Variants in UNC79 observed in about 807,000 individuals in gnomAD.
UNC79 encodes the protein protein unc-79 homolog.
UNC79 carries 37 observed loss-of-function variants against 283.1 expected under a neutral mutation model. That is an observed-to-expected ratio of 0.13 (90% CI 0.10 to 0.17). UNC79 has a LOEUF of 0.17. Ranked by LOEUF, UNC79 falls within the 10% of genes least tolerant of loss-of-function variation. The probability of loss-of-function intolerance (pLI) is 1.00; values close to 1 mark genes in which losing one functional copy is unlikely to be tolerated. For missense variants in UNC79, 2,272 were observed against 3,211.1 expected (o/e 0.71, Z 7.07); for synonymous variants, 1,107 against 1,200.2 (o/e 0.92, Z 1.61).
chr14:93,665,129 A>C (rs977819407), intron 40 of UNC79, among the ~76,000 whole-genome samples: 3 of 150,014 alleles, frequency 2.0e-5, no homozygotes, highest in East Asian at 3.9e-4. Context: ...TATAAATATT[A>C]TAAAATATAA....
intron 2 of UNC79, among the ~76,000 whole-genome samples, chr14:93,470,777 T>G (rs1216291622): frequency 6.6e-6 from 1 of 152,190 alleles, no homozygotes; most frequent in Non-Finnish European, 1.5e-5. Context: ...TTTGTTTGCT[T>G]TTAGCATTAG....
At chr14:93,530,713 TC>T (rs2060775017) in intron 10 of UNC79, among the ~76,000 whole-genome samples, 1 of 152,000 alleles carries the variant, frequency 6.6e-6, no homozygotes, top group African/African-American at 2.4e-5. Flanking sequence ...ATCAAGACCA[TC>T]CTGGCTAACA....
At chr14:93,345,416 TAA>T (rs749527249) in intron 1 of UNC79, among the ~76,000 whole-genome samples, 45 of 151,574 alleles carry the variant, frequency 3.0e-4, no homozygotes, top group Middle Eastern at 6.8e-3. Flanking sequence ...TCAAAATAAA[TAA>T]ATAGAATGTA....
In UNC79 at chr14:93,676,267, G is replaced by A. The variant is rs540089649; in HGVS notation, c.6741+2812G>A. Among the ~76,000 whole-genome samples the A allele has an allele frequency of 4.0e-3, 611 of 152,104 alleles. 2 individuals are homozygous for A. Among genetic ancestry groups the A allele is most frequent in the Non-Finnish European group, 6.6e-3 (449 of 67,984 alleles). ...TAGAGATGGGGATTGGCCATGTTGC[G>A]CAGGCTGGTCTTGAACTCCTGGACT... On this transcript the variant is annotated intron_variant, in intron 41 of 48. Coordinates refer to ENST00000555664, the Ensembl canonical transcript of UNC79.
chr14:93,450,269 C>T (rs2056597541), intron 1 of UNC79, among the ~76,000 whole-genome samples: 1 of 152,082 alleles, frequency 6.6e-6, no homozygotes, highest in Non-Finnish European at 1.5e-5. Flanking sequence ...AAATGAGTGT[C>T]CTTAGCTGTT....
intron 1 of UNC79, among the ~76,000 whole-genome samples, chr14:93,431,792 T>G (rs1310408109): frequency 3.3e-5 from 5 of 152,232 alleles, no homozygotes; most frequent in Non-Finnish European, 7.3e-5. Context: ...GGAAGCAACC[T>G]GCTAACTCCT....
intron 34 of UNC79, among the ~76,000 whole-genome samples, chr14:93,645,447 C>T (rs1291234992): frequency 6.6e-6 from 1 of 152,168 alleles, no homozygotes; most frequent in Non-Finnish European, 1.5e-5. Context: ...GCCTAATCAC[C>T]AAAGCTACCA....
intron 14 of UNC79, among the ~76,000 whole-genome samples, chr14:93,559,271 T>A (rs2062393625): frequency 6.6e-6 from 1 of 152,264 alleles, no homozygotes; most frequent in Non-Finnish European, 1.5e-5. Context: ...GTTTGAACAC[T>A]TAGCAGTCTA....
Position 93,617,335 on chromosome 14 carries a change from G to A in UNC79, c.4224+31G>A. The A allele has an allele frequency of 1.2e-6, 2 of 1,609,338 alleles. No individual in the cohort carries two copies. Among genetic ancestry groups the A allele is most frequent in the Middle Eastern group, 1.7e-4 (1 of 6,040 alleles). On this transcript the variant is annotated intron_variant, in intron 28 of 48. Coordinates refer to ENST00000555664, the Ensembl canonical transcript of UNC79. The surrounding 1 kb of genome is among the most constrained non-coding windows in gnomAD (Gnocchi z 4.5). ...CTGGGTGGTCACTGCTGTTTTGGAT[G>A]CAATGGTTCTCTTAGAGAGCATATA... is the stretch of plus-strand genomic sequence containing the variant.
intron 1 of UNC79, among the ~76,000 whole-genome samples, chr14:93,336,588 A>G (rs2053582304): frequency 6.6e-6 from 1 of 152,124 alleles, no homozygotes; most frequent in Non-Finnish European, 1.5e-5. Context: ...TGATCCGCCC[A>G]CCTTGGCCTC....
chr14:93,384,317 C>G (rs1357507591), intron 1 of UNC79, among the ~76,000 whole-genome samples: 1 of 152,228 alleles, frequency 6.6e-6, no homozygotes, highest in East Asian at 1.9e-4. Flanking sequence ...TTCCCACCAA[C>G]AGTGTACAAG....
chr14:93,525,181 G>A (rs759549371), intron 8 of UNC79, among the ~76,000 whole-genome samples: 5 of 152,074 alleles, frequency 3.3e-5, no homozygotes, highest in African/African-American at 4.8e-5. Flanking sequence ...GTGGTGGCTC[G>A]AGCCTGTAAT....
intron 1 of UNC79, among the ~76,000 whole-genome samples, chr14:93,399,578 A>G (rs1158440516): frequency 2.0e-5 from 3 of 152,154 alleles, no homozygotes; most frequent in African/African-American, 7.2e-5. Context: ...TAGATCCTTA[A>G]TATGTGCCAG....
intron 1 of UNC79, among the ~76,000 whole-genome samples, chr14:93,465,321 T>G (rs759911287): frequency 1.3e-5 from 2 of 152,188 alleles, no homozygotes; most frequent in Non-Finnish European, 2.9e-5. Flanking sequence ...ATTAATTCAT[T>G]TGTTAATTTA....
At chr14:93,683,044 T>C (rs966802774) in intron 42 of UNC79, among the ~76,000 whole-genome samples, 10 of 152,222 alleles carry the variant, frequency 6.6e-5, no homozygotes, top group African/African-American at 2.4e-4. Flanking sequence ...GTAACTAATA[T>C]GCAAAGAACA....
intron 14 of UNC79, among the ~76,000 whole-genome samples, chr14:93,556,562 C>T (rs2062185218): frequency 1.3e-5 from 2 of 152,036 alleles, no homozygotes; most frequent in South Asian, 4.1e-4. Context: ...TCTGTGGTGC[C>T]TCTTCTGTTT....
chr14:93,644,745 A>G (rs1391674325), intron 34 of UNC79, among the ~76,000 whole-genome samples: 1 of 152,230 alleles, frequency 6.6e-6, no homozygotes, highest in Non-Finnish European at 1.5e-5. Flanking sequence ...AAATGAAAAA[A>G]TGTTGACTTC....
chr14:93,574,026 A>G (rs755751986), intron 16 of UNC79, among the ~76,000 whole-genome samples: 1 of 152,124 alleles, frequency 6.6e-6, no homozygotes, highest in African/African-American at 2.4e-5. Context: ...AAACAAACAA[A>G]CAGTCAACTT....
chr14:93,417,058 G>C (rs1210482180), intron 1 of UNC79, among the ~76,000 whole-genome samples: 2 of 152,100 alleles, frequency 1.3e-5, no homozygotes, highest in African/African-American at 2.4e-5. Context: ...ATTTGATCCT[G>C]TCATTATGAT....
Sources: gnomAD v4.1 joint callset for allele counts (sites outside exome capture counted in the v4.1 genomes callset) on GRCh38, gnomAD v4.1.1 for gene constraint, Gnocchi (gnomAD v3.1) non-coding constraint, MANE v1.5 for transcripts, NCBI Gene and HGNC (gene_info 2026-07-23, HGNC 2026-07-21) for gene names.